Variants in GBF1 observed in about 807,000 individuals in gnomAD.
GBF1 encodes the protein Golgi-specific brefeldin A-resistance guanine nucleotide exchange factor 1.
GBF1 carries 114 observed loss-of-function variants against 210.5 expected under a neutral mutation model. The ratio of observed to expected loss-of-function variants is 0.54; its 90% CI spans 0.47 to 0.63. GBF1 has a LOEUF of 0.63. Among genes scored for constraint, GBF1 ranks in the 30% least tolerant of loss-of-function variants. The probability of loss-of-function intolerance (pLI) is 0.00; values close to 1 mark genes in which losing one functional copy is unlikely to be tolerated. For missense variants in GBF1, 1,851 were observed against 2,357.7 expected (o/e 0.79, Z 4.45); for synonymous variants, 850 against 889.2 (o/e 0.96, Z 0.78).
intron 3 of GBF1, among the ~76,000 whole-genome samples, chr10:102,331,161 G>A (rs74155269): frequency 0.031 from 4,646 of 152,244 alleles, 232 homozygotes; most frequent in African/African-American, 0.1. Context: ...CTATAGGGAT[G>A]GAGATGGGGG....
At chr10:102,358,292 C>T (rs148597034) in intron 9 of GBF1, 106 bp downstream of exon 9, 79 of 1,061,494 alleles carry the variant, frequency 7.4e-5, no homozygotes, top group African/African-American at 1.9e-4. Flanking sequence ...TTGGTCTTGG[C>T]GCTGAGAACA....
At chr10:102,351,804 A>G in intron 5 of GBF1, 39 bp from the exon 6 acceptor site, 1 of 1,186,090 alleles carries the variant, frequency 8.4e-7, no homozygotes, top group Admixed American at 1.7e-5. Flanking sequence ...ACCTCTCAGT[A>G]CCTTGTTTAT....
At chr10:102,339,370 G>T (rs1288606229) in intron 3 of GBF1, among the ~76,000 whole-genome samples, 1 of 139,078 alleles carries the variant, frequency 7.2e-6, no homozygotes, top group Non-Finnish European at 1.6e-5. Context: ...CTCAAAAAAA[G>T]ACTTAGTATA....
chr10:102,297,508 G>A (rs937015749), intron 3 of GBF1, among the ~76,000 whole-genome samples: 2 of 152,224 alleles, frequency 1.3e-5, no homozygotes, highest in Admixed American at 6.5e-5. Flanking sequence ...AACATCAGTT[G>A]AGGAGAGATT....
At chr10:102,329,973 G>A (rs1193652866) in intron 3 of GBF1, among the ~76,000 whole-genome samples, 1 of 152,114 alleles carries the variant, frequency 6.6e-6, no homozygotes, top group Non-Finnish European at 1.5e-5. Flanking sequence ...AGCTGGGCAT[G>A]GTGGCACATG....
At chr10:102,299,771 C>T (rs796266770) in intron 3 of GBF1, among the ~76,000 whole-genome samples, 18 of 151,894 alleles carry the variant, frequency 1.2e-4, no homozygotes, top group African/African-American at 1.9e-4. Context: ...GCAACAAAAG[C>T]GAAACTCCGT....
chr10:102,378,695 A>G (rs1447451485), intron 33 of GBF1, among the ~76,000 whole-genome samples: 1 of 152,150 alleles, frequency 6.6e-6, no homozygotes. Flanking sequence ...TGTAATCCTA[A>G]AACTTTGGGA....
intron 3 of GBF1, among the ~76,000 whole-genome samples, chr10:102,340,125 TG>T (rs2058070751): frequency 1.3e-5 from 2 of 151,828 alleles, no homozygotes; most frequent in Non-Finnish European, 2.9e-5. Context: ...CACTAATTTT[TG>T]TATTTTTTGG....
At chr10:102,376,234 C>T in intron 30 of GBF1, 38 bp from the exon 31 acceptor site, 1 of 1,575,196 alleles carries the variant, frequency 6.3e-7, no homozygotes, top group Non-Finnish European at 8.7e-7. Context: ...AGTGCCCCAT[C>T]CCCACCCTGA....
chr10:102,288,891 A>G (rs1224501016), intron 3 of GBF1, among the ~76,000 whole-genome samples: 3 of 152,114 alleles, frequency 2.0e-5, no homozygotes, highest in Non-Finnish European at 1.5e-5. Context: ...ACTTGTGGCC[A>G]GGAGTTTGAG....
intron 1 of GBF1, among the ~76,000 whole-genome samples, chr10:102,257,329 G>C (rs1190592938): frequency 6.6e-6 from 1 of 152,120 alleles, no homozygotes; most frequent in Non-Finnish European, 1.5e-5. Flanking sequence ...TATTTTTAGA[G>C]ATAGTGTCTT....
chr10:102,266,825 C>T (rs1039444204), intron 3 of GBF1, among the ~76,000 whole-genome samples: 2 of 152,086 alleles, frequency 1.3e-5, no homozygotes, highest in Non-Finnish European at 2.9e-5. Flanking sequence ...TTATGGCGTG[C>T]TTGAGTTTAA....
chr10:102,365,387 T>TC lies in GBF1; in HGVS notation c.2107-9dup, dbSNP rs2059857116. ...AAGTAGCTTCTATACCTCTAGTTTT[T>TC]CTCATGCAGCTGCTAATCACTGGCA... On this transcript the variant is annotated splice_polypyrimidine_tract_variant and intron_variant, in intron 17 of 39. Transcript: ENST00000369983. 1 of 1,611,784 alleles carries TC rather than the reference T, an allele frequency of 6.2e-7. No individual in the cohort carries two copies. The highest frequency in any genetic ancestry group is 8.5e-7 in the Non-Finnish European group (1 of 1,178,180).
Position 102,370,580 on chromosome 10 carries a change from G to A in GBF1, c.3506+102G>A, listed in dbSNP as rs946674251. The A allele has an allele frequency of 1.0e-5, 13 of 1,299,376 alleles. No homozygotes were observed. The Admixed American group carries it at 1.7e-4, about 17-fold the overall frequency. The allele number at this position is 1,299,376 out of a possible 1,614,324, so 80.5% of individuals were successfully genotyped here. A position where few individuals can be genotyped will look rare whatever the true frequency, so the allele number is the denominator to read the frequency against. On this transcript the variant is annotated intron_variant, in intron 28 of 39. Coordinates refer to ENST00000369983, the MANE Select transcript of GBF1 (RefSeq NM_001377137.1). Reference sequence around the variant, plus strand: ...GCTCTGGGGAACTGTAGGCAGCAGGGGAGAAGCTTACTCATCATACCTGTC... The same window carrying A: ...GCTCTGGGGAACTGTAGGCAGCAGGAGAGAAGCTTACTCATCATACCTGTC...
intron 36 of GBF1, 117 bp downstream of exon 36, chr10:102,380,071 C>A: frequency 2.6e-6 from 2 of 754,810 alleles, no homozygotes; most frequent in South Asian, 3.1e-5. Flanking sequence ...AACCCCCCAG[C>A]TATGGACACT....
intron 3 of GBF1, among the ~76,000 whole-genome samples, chr10:102,314,336 G>A (rs1429801273): frequency 6.6e-6 from 1 of 151,780 alleles, no homozygotes; most frequent in Non-Finnish European, 1.5e-5. Flanking sequence ...TGTAGAGACA[G>A]GGATCTTCCT....
rs138791109 is a variant in GBF1 at position 102,348,892 on chromosome 10, G to A, written c.296-2364G>A. On this transcript the variant is annotated intron_variant, in intron 4 of 39. Transcript: ENST00000369983. ...GGGCCAGGCACAGTGGCTCACACCT[G>A]TAATCCCAGCACTTTGGGGGTCCAG... Among the ~76,000 whole-genome samples, 347 of 152,310 alleles carry A rather than the reference G, an allele frequency of 2.3e-3. 2 individuals are homozygous for A. Among genetic ancestry groups the A allele is most frequent in the African/African-American group, 8.1e-3 (336 of 41,574 alleles).
chr10:102,381,275 C>T lies in GBF1; in HGVS notation c.5302+20C>T. On this transcript the variant is annotated intron_variant, in intron 39 of 39. Coordinates refer to ENST00000369983, the MANE Select transcript of GBF1 (RefSeq NM_001377137.1). Reference sequence around the variant, plus strand: ...CCTGTGGTGAGTCTCTCTAGCCTAGCCTGATAGGCACTGAGTAGCAAGCAG... The same window carrying T: ...CCTGTGGTGAGTCTCTCTAGCCTAGTCTGATAGGCACTGAGTAGCAAGCAG... 6.2e-7 allele frequency: 1 copy of T among 1,612,636 alleles called. No homozygotes were observed. Among genetic ancestry groups the T allele is most frequent in the South Asian group, 1.1e-5 (1 of 90,986 alleles).
At position 102,380,699 on chromosome 10, in the gene GBF1, G is replaced by C. The variant is rs775630977; in HGVS notation, c.5173+13G>C. On this transcript the variant is annotated intron_variant, in intron 38 of 39. Coordinates refer to ENST00000369983, the MANE Select transcript of GBF1 (RefSeq NM_001377137.1). Reference sequence around the variant, plus strand: ...ACCGTCATCCAGGGTAGGGGGCTCAGCCCAGCTTTATCAAAAAGAGTCTCC... The same window carrying C: ...ACCGTCATCCAGGGTAGGGGGCTCACCCCAGCTTTATCAAAAAGAGTCTCC... The C allele has an allele frequency of 6.9e-6, 11 of 1,586,488 alleles. No homozygotes were observed. Among genetic ancestry groups the C allele is most frequent in the Non-Finnish European group, 7.7e-6 (9 of 1,164,660 alleles).
Sources: allele counts gnomAD v4.1 joint callset (sites outside exome capture counted in the v4.1 genomes callset), GRCh38; gene constraint gnomAD v4.1.1; transcripts MANE v1.5; gene names NCBI Gene and HGNC (gene_info 2026-07-23, HGNC 2026-07-21).